NSD1: variants seen among roughly 807,000 people sequenced by gnomAD.
NSD1 encodes nuclear receptor binding SET domain protein 1, also known as histone-lysine N-methyltransferase, H3 lysine-36 specific.
In NSD1, 26 loss-of-function variants were observed where a neutral mutation model predicts 242.7. The observed-to-expected ratio is 0.11, with a 90% CI of 0.08 to 0.15. The LOEUF (loss-of-function observed/expected upper bound fraction) is 0.15, where lower values mean the gene tolerates loss of function less well. NSD1 is among the 10% of genes least tolerant of loss of function. The pLI is 1.00. For synonymous variants in NSD1, 1,106 were observed against 1,178.1 expected (o/e 0.94, Z 1.25); for missense variants, 2,495 against 3,272.8 (o/e 0.76, Z 5.80).
chr5:177,280,858 A>C lies in NSD1; in HGVS notation c.5892+24A>C, dbSNP rs774116518. 10 of 1,613,118 alleles carry C rather than the reference A, an allele frequency of 6.2e-6. No individual in the cohort carries two copies. In the South Asian group the frequency reaches 9.9e-5, roughly 16 times the overall value. The stretch of plus-strand genomic sequence containing the variant: ...AGGTTAGAAAAAGCTAAATTACCAT[A>C]TACTTTCTCCTCTTTGCAGTTGCTT... On this transcript the variant is annotated intron_variant, in intron 18 of 22. Coordinates refer to ENST00000439151, the MANE Select transcript of NSD1 (RefSeq NM_022455.5).
intron 3 of NSD1, among the ~76,000 whole-genome samples, chr5:177,195,656 A>T (rs1762053795): frequency 6.6e-6 from 1 of 151,990 alleles, no homozygotes; most frequent in South Asian, 2.1e-4. Flanking sequence ...TTTTGTAGAG[A>T]CAGGGTTTTG....
intron 3 of NSD1, among the ~76,000 whole-genome samples, chr5:177,196,804 A>T (rs921801956): frequency 6.6e-6 from 1 of 152,238 alleles, no homozygotes; most frequent in East Asian, 1.9e-4. Flanking sequence ...AAAGAATCAG[A>T]TGAAACAGGT....
intron 4 of NSD1, among the ~76,000 whole-genome samples, chr5:177,206,645 T>C (rs1762887342): frequency 6.6e-6 from 1 of 152,140 alleles, no homozygotes; most frequent in South Asian, 2.1e-4. Context: ...TTAGAAACAA[T>C]TAGTATGTGT....
chr5:177,136,754 C>T (rs1355913184), intron 2 of NSD1: 11 of 534,008 alleles, frequency 2.1e-5, no homozygotes, highest in Admixed American at 3.2e-5. Context: ...TCACCACGCC[C>T]GGCTAATTTT....
chr5:177,262,078 A>G (rs907647549), intron 14 of NSD1, among the ~76,000 whole-genome samples: 1 of 152,190 alleles, frequency 6.6e-6, no homozygotes, highest in Non-Finnish European at 1.5e-5. Context: ...TCATATTATA[A>G]TAGCATCAAT....
intron 2 of NSD1, among the ~76,000 whole-genome samples, chr5:177,147,087 A>G (rs11955537): frequency 0.26 from 39,200 of 151,440 alleles, 6,370 homozygotes; most frequent in East Asian, 0.51. Flanking sequence ...AACTACATCC[A>G]TCGTCTTCTT....
At chr5:177,142,022 C>T (rs1756867703) in intron 2 of NSD1, among the ~76,000 whole-genome samples, 4 of 151,836 alleles carry the variant, frequency 2.6e-5, no homozygotes, top group African/African-American at 4.8e-5. Flanking sequence ...TTAGTAGAGA[C>T]AGGGTTTTGC....
At chr5:177,244,429 T>G (rs1429888742) in intron 9 of NSD1, among the ~76,000 whole-genome samples, 159 bp downstream of exon 9, 1 of 152,224 alleles carries the variant, frequency 6.6e-6, no homozygotes, top group Admixed American at 6.5e-5. Flanking sequence ...GAAAAAATAT[T>G]GATAAATTGA....
At chr5:177,231,624 T>C in intron 5 of NSD1, among the ~76,000 whole-genome samples, 1 of 152,102 alleles carries the variant, frequency 6.6e-6, no homozygotes, top group South Asian at 2.1e-4. Flanking sequence ...TTTTTCCATG[T>C]TCACAGGCTA....
chr5:177,220,781 C>T (rs76274432), intron 5 of NSD1, among the ~76,000 whole-genome samples: 2,303 of 151,758 alleles, frequency 0.015, 36 homozygotes, highest in South Asian at 0.048. Context: ...GTGTTGGCCA[C>T]GCCAGTCTCA....
chr5:177,218,567 ATTTC>A (rs1249538264), intron 5 of NSD1, among the ~76,000 whole-genome samples: 1 of 144,130 alleles, frequency 6.9e-6, no homozygotes, highest in East Asian at 2.0e-4. Context: ...CATGATGTAT[ATTTC>A]TTTTTTTTTT....
Position 177,210,148 on chromosome 5 carries a change from G to A in NSD1, c.1749G>A (p.Glu583=), listed in dbSNP as rs3733874. The A allele has an allele frequency of 0.14, 222,963 of 1,612,332 alleles. 20,089 individuals are homozygous for A. The highest frequency in any genetic ancestry group is 0.5 in the East Asian group (22,609 of 44,832). The stretch of plus-strand genomic sequence containing the variant: ...AAAACACTGCAAAGAAAGAATTTGA[G>A]ACTTCAAATGGTGACTCTTTATTGG... ...CGKNTAKKEF[E]TSNGDSLLGL... The change falls in exon 5 of 23, where the codon GAG becomes GAA. Residue 583 remains glutamate (E), a synonymous_variant. Coordinates refer to ENST00000439151, the MANE Select transcript of NSD1 (RefSeq NM_022455.5).
intron 11 of NSD1, among the ~76,000 whole-genome samples, chr5:177,251,205 T>A (rs776124959): frequency 1.3e-4 from 20 of 149,370 alleles, no homozygotes; most frequent in Non-Finnish European, 2.2e-4. Flanking sequence ...AAAAAAAAAA[T>A]TGATAAATCT....
chr5:177,261,386 A>G (rs1370186025), intron 14 of NSD1, among the ~76,000 whole-genome samples: 1 of 151,418 alleles, frequency 6.6e-6, no homozygotes, highest in Non-Finnish European at 1.5e-5. Flanking sequence ...CGGCCATTTT[A>G]TTCATTTTTA....
At chr5:177,260,997 T>C (rs974094440) in intron 14 of NSD1, among the ~76,000 whole-genome samples, 3 of 152,194 alleles carry the variant, frequency 2.0e-5, no homozygotes, top group African/African-American at 7.2e-5. Flanking sequence ...ACTTTAGTTA[T>C]ATATTTTCTC....
At chr5:177,162,075 A>G (rs2149790023) in intron 2 of NSD1, among the ~76,000 whole-genome samples, 1 of 152,132 alleles carries the variant, frequency 6.6e-6, no homozygotes, top group South Asian at 2.1e-4. Context: ...AGGTGGGCAG[A>G]TCACCTGAGA....
chr5:177,144,318 C>T (rs1396695094), intron 2 of NSD1, among the ~76,000 whole-genome samples: 2 of 151,912 alleles, frequency 1.3e-5, no homozygotes, highest in Non-Finnish European at 2.9e-5. Flanking sequence ...AAGTGATCCA[C>T]CGCCCTCAGC....
intron 12 of NSD1, among the ~76,000 whole-genome samples, chr5:177,252,710 C>T (rs999549757): frequency 2.7e-5 from 4 of 150,524 alleles, no homozygotes; most frequent in East Asian, 1.9e-4. Flanking sequence ...TGCCACCATG[C>T]GTGGGCAATT....
At chr5:177,194,372 A>G (rs1369665094) in intron 3 of NSD1, among the ~76,000 whole-genome samples, 1 of 151,254 alleles carries the variant, frequency 6.6e-6, no homozygotes, top group African/African-American at 2.4e-5. Flanking sequence ...CAGTCATCCA[A>G]CCTCAGCATC....
Sources: gnomAD v4.1 joint callset for allele counts (sites outside exome capture counted in the v4.1 genomes callset) on GRCh38, gnomAD v4.1.1 for gene constraint, MANE v1.5 for transcripts, NCBI Gene and HGNC (gene_info 2026-07-23, HGNC 2026-07-21) for gene names.